Variants in HTR3B observed in about 807,000 individuals in gnomAD.
HTR3B encodes 5-hydroxytryptamine receptor 3B, also known as 5-hydroxytryptamine (serotonin) receptor 3B, ionotropic.
HTR3B carries 44 observed loss-of-function variants against 42.8 expected under a neutral mutation model. The observed-to-expected ratio is 1.03, with a 90% CI of 0.81 to 1.32. The LOEUF is 1.32. HTR3B is among the 40% of genes most tolerant of loss of function. The pLI, the probability that HTR3B is intolerant of heterozygous loss-of-function variation, is 0.00. For synonymous variants in HTR3B, 203 were observed against 209.0 expected, an observed-to-expected ratio of 0.97 and a Z score of 0.25; for missense variants, 527 against 536.5, an observed-to-expected ratio of 0.98 and a Z score of 0.17.
intron 6 of HTR3B, among the ~76,000 whole-genome samples, chr11:113,941,900 G>A (rs546533629): frequency 1.3e-5 from 2 of 152,162 alleles, no homozygotes; most frequent in Non-Finnish European, 2.9e-5. Flanking sequence ...AAAGCCCAGG[G>A]GTCTGCCCGC....
At chr11:113,920,139 C>G (rs1453252010) in intron 2 of HTR3B, among the ~76,000 whole-genome samples, 2 of 151,766 alleles carry the variant, frequency 1.3e-5, no homozygotes, top group Non-Finnish European at 2.9e-5. Context: ...AGCGATTCTC[C>G]TGCCTCAGCC....
chr11:113,899,117 C>G, the HTR3B span, among the ~76,000 whole-genome samples: 3 of 152,148 alleles, frequency 2.0e-5, no homozygotes, highest in African/African-American at 7.2e-5. Flanking sequence ...GACCTTATAT[C>G]TTATGCTCTA....
chr11:113,934,456 G>GGAAA (rs915987430), intron 6 of HTR3B, among the ~76,000 whole-genome samples: 5 of 150,570 alleles, frequency 3.3e-5, no homozygotes, highest in Admixed American at 6.6e-5. Context: ...AAAGAAAGAA[G>GGAAA]GAAAGAAAGA....
intron 2 of HTR3B, among the ~76,000 whole-genome samples, chr11:113,920,747 C>T (rs912588576): frequency 6.6e-6 from 1 of 152,056 alleles, no homozygotes; most frequent in African/African-American, 2.4e-5. Context: ...AATTAAATAC[C>T]AGGAAATACC....
intron 6 of HTR3B, among the ~76,000 whole-genome samples, chr11:113,942,051 A>G (rs1467081528): frequency 1.3e-5 from 2 of 152,156 alleles, no homozygotes; most frequent in African/African-American, 2.4e-5. Flanking sequence ...TCAGAATCCA[A>G]GGAAGGAGAT....
the HTR3B span, among the ~76,000 whole-genome samples, chr11:113,899,377 C>G: frequency 6.6e-6 from 1 of 152,194 alleles, no homozygotes; most frequent in Non-Finnish European, 1.5e-5. Context: ...ATATGGGACT[C>G]TACTCATTAA....
intron 2 of HTR3B, among the ~76,000 whole-genome samples, chr11:113,915,846 G>A (rs553478111): frequency 3.3e-5 from 5 of 149,674 alleles, no homozygotes; most frequent in Non-Finnish European, 7.4e-5. Flanking sequence ...ATCTTTAAAT[G>A]TTTTTTTTTT....
At chr11:113,929,081 A>G (rs1017947698) in intron 2 of HTR3B, among the ~76,000 whole-genome samples, 4 of 152,222 alleles carry the variant, frequency 2.6e-5, no homozygotes, top group Admixed American at 2.6e-4. Flanking sequence ...ACTTTTTAAG[A>G]AAGTGCCATA....
chr11:113,932,526 T>C, intron 5 of HTR3B, 68 bp downstream of exon 5: 1 of 1,239,974 alleles, frequency 8.1e-7, no homozygotes, highest in Non-Finnish European at 1.1e-6. Context: ...TATACTATCC[T>C]TCAGGTCTAT....
In HTR3B at chr11:113,946,005, A is replaced by G; in HGVS notation, c.1194A>G (p.Thr398=). The G allele has an allele frequency of 6.2e-7, 1 of 1,614,166 alleles. No individual in the cohort carries two copies. Among genetic ancestry groups the G allele is most frequent in the South Asian group, 1.1e-5 (1 of 91,080 alleles). ...ISNYLQTQDQ[T]DQQEAEWLVL... ...ACTACCTCCAAACTCAGGACCAGACAGACCAACAGGAGGCAGAGTGGCTGG... is the reference window on the plus strand; with the variant it reads ...ACTACCTCCAAACTCAGGACCAGACGGACCAACAGGAGGCAGAGTGGCTGG... Residue 398 remains threonine, a synonymous_variant, in exon 9 of 9, where the codon ACA becomes ACG. Coordinates refer to ENST00000260191, the MANE Select transcript of HTR3B (RefSeq NM_006028.5).
intron 2 of HTR3B, among the ~76,000 whole-genome samples, chr11:113,911,261 G>A (rs752990907): frequency 6.6e-6 from 1 of 151,426 alleles, no homozygotes; most frequent in Non-Finnish European, 1.5e-5. Context: ...GACAGAGTCT[G>A]GCTCTGTCAC....
intron 6 of HTR3B, among the ~76,000 whole-genome samples, chr11:113,937,548 A>G (rs1950101160): frequency 6.6e-6 from 1 of 152,242 alleles, no homozygotes; most frequent in African/African-American, 2.4e-5. Flanking sequence ...GTTTGTACCT[A>G]TAATCCTCAC....
chr11:113,912,210 C>T (rs952652740), intron 2 of HTR3B, among the ~76,000 whole-genome samples: 1 of 152,036 alleles, frequency 6.6e-6, no homozygotes, highest in Non-Finnish European at 1.5e-5. Context: ...TTTTCCTGTA[C>T]GAGTCTTTTT....
In HTR3B at chr11:113,940,349, G is replaced by A. The variant is rs186882159; in HGVS notation, c.697-2633G>A. Among the ~76,000 whole-genome samples the A allele has an allele frequency of 4.8e-4, 73 of 152,164 alleles. No homozygotes were observed. In the East Asian group the frequency reaches 0.013, roughly 27 times the overall value. On this transcript the variant is annotated intron_variant, in intron 6 of 8. Coordinates refer to ENST00000260191, the MANE Select transcript of HTR3B (RefSeq NM_006028.5). Reference sequence around the variant, plus strand: ...GCAGGGGTGGTCACCCCGTCACCCCGACCCCACAGGGCTAGATCACCAATA... The same window carrying A: ...GCAGGGGTGGTCACCCCGTCACCCCAACCCCACAGGGCTAGATCACCAATA...
In HTR3B at chr11:113,946,123, T is replaced by A; in HGVS notation, c.1312T>A (p.Trp438Arg). The A allele has an allele frequency of 6.2e-7, 1 of 1,612,180 alleles. No homozygotes were observed. Among genetic ancestry groups the A allele is most frequent in the Non-Finnish European group, 8.5e-7 (1 of 1,178,412 alleles). ...TITLCSLWAL[W>R]GGV The stretch of plus-strand genomic sequence containing the variant: ...CACTCTGTGCTCCCTCTGGGCACTG[T>A]GGGGCGGCGTGTGAAGACTGAAGTG... The change falls in exon 9 of 9, where the codon TGG becomes AGG. Residue 438 changes from tryptophan (W) to arginine (R), a missense_variant. Transcript: ENST00000260191.
rs1402145961 is a variant in HTR3B at position 113,948,756 on chromosome 11, G to C, written c.*2619G>C. ...CACATGCCTGTAATCCCACCTACTC[G>C]GGGGGCTGAGGCAGGAGAATCGCTT... On this transcript the variant is annotated 3_prime_UTR_variant, in exon 9 of 9. Coordinates refer to ENST00000260191, the MANE Select transcript of HTR3B (RefSeq NM_006028.5). Among the ~76,000 whole-genome samples the C allele has an allele frequency of 2.0e-5, 3 of 152,200 alleles. No individual in the cohort carries two copies. In the East Asian group the frequency reaches 5.8e-4, roughly 30 times the overall value.
At chr11:113,936,015 A>G (rs986570721) in intron 6 of HTR3B, among the ~76,000 whole-genome samples, 4 of 152,250 alleles carry the variant, frequency 2.6e-5, no homozygotes, top group Non-Finnish European at 4.4e-5. Flanking sequence ...CTTTGGAGTC[A>G]GGCTACATTC....
At chr11:113,909,810 C>T (rs1949768566) in intron 2 of HTR3B, among the ~76,000 whole-genome samples, 1 of 151,906 alleles carries the variant, frequency 6.6e-6, no homozygotes, top group African/African-American at 2.4e-5. Flanking sequence ...TGGTGAAACC[C>T]TGTCTGTACC....
chr11:113,944,265 G>C (rs185003969), intron 7 of HTR3B, among the ~76,000 whole-genome samples: 2 of 152,062 alleles, frequency 1.3e-5, no homozygotes, highest in East Asian at 1.9e-4. Flanking sequence ...TGATCCACCC[G>C]CCTCAGCCTC....
Sources: gnomAD v4.1 joint callset for allele counts (sites outside exome capture counted in the v4.1 genomes callset) on GRCh38, gnomAD v4.1.1 for gene constraint, MANE v1.5 for transcripts, NCBI Gene and HGNC (gene_info 2026-07-23, HGNC 2026-07-21) for gene names.